WDFY3: variants seen among roughly 807,000 people sequenced by gnomAD.
The protein encoded by WDFY3 is WD repeat and FYVE domain containing 3.
WDFY3 carries 66 observed loss-of-function variants against 409.6 expected under a neutral mutation model. The ratio of observed to expected loss-of-function variants is 0.16; its 90% CI spans 0.13 to 0.20. The LOEUF (loss-of-function observed/expected upper bound fraction) is 0.20. Ranked by LOEUF, WDFY3 falls within the 10% of genes least tolerant of loss-of-function variation. WDFY3 has a pLI of 1.00. For synonymous variants in WDFY3, 1,521 were observed against 1,537.1 expected (o/e 0.99, Z 0.25); for missense variants, 3,031 against 4,298.1 (o/e 0.71, Z 8.24).
At chr4:84,762,529 G>T (rs1173051770) in intron 32 of WDFY3, among the ~76,000 whole-genome samples, 1 of 151,022 alleles carries the variant, frequency 6.6e-6, no homozygotes, top group Non-Finnish European at 1.5e-5. Context: ...CGAATTAGTG[G>T]GTGCAGCACA....
chr4:84,955,564 T>C (rs1012447733), intron 1 of WDFY3, among the ~76,000 whole-genome samples: 1 of 152,194 alleles, frequency 6.6e-6, no homozygotes, highest in Non-Finnish European at 1.5e-5. Context: ...CTTTTAGTAA[T>C]AAAATATAAA....
intron 13 of WDFY3, among the ~76,000 whole-genome samples, chr4:84,815,869 C>T (rs926558933): frequency 6.6e-6 from 1 of 151,990 alleles, no homozygotes; most frequent in Non-Finnish European, 1.5e-5. Context: ...TTTAAGAGTA[C>T]GCAAAAATCC....
At chr4:84,809,566 T>C in intron 14 of WDFY3, 1 of 226,024 alleles carries the variant, frequency 4.4e-6, no homozygotes, top group South Asian at 8.5e-5. Context: ...TAAGTCCAGA[T>C]GCACCTTTTG....
chr4:84,749,570 A>T (rs1740130857), intron 36 of WDFY3, among the ~76,000 whole-genome samples: 1 of 152,144 alleles, frequency 6.6e-6, no homozygotes, highest in African/African-American at 2.4e-5. Flanking sequence ...ACCTAGTTTT[A>T]TTATAAGGTT....
chr4:84,713,640 C>G (rs1733319622), intron 50 of WDFY3, among the ~76,000 whole-genome samples: 1 of 152,040 alleles, frequency 6.6e-6, no homozygotes, highest in Admixed American at 6.6e-5. Context: ...TTTAGTTATT[C>G]CTCATGGAAA....
intron 2 of WDFY3, among the ~76,000 whole-genome samples, chr4:84,926,606 G>A (rs1015702689): frequency 5.3e-5 from 8 of 151,986 alleles, no homozygotes; most frequent in Non-Finnish European, 8.8e-5. Flanking sequence ...TCATTTCTGG[G>A]TGATGTTTTT....
chr4:84,752,452 G>A (rs1298646656), intron 35 of WDFY3, among the ~76,000 whole-genome samples: 1 of 151,808 alleles, frequency 6.6e-6, no homozygotes, highest in Non-Finnish European at 1.5e-5. Flanking sequence ...GCTTGAACTT[G>A]GGACGTGGAG....
At position 84,801,814 on chromosome 4, in the gene WDFY3, C is replaced by G. The variant is rs1474375461; in HGVS notation, c.2658G>C (p.Val886=). The change falls in exon 17 of 68, where the codon GTG becomes GTC. Residue 886 remains valine (V), a synonymous_variant. Transcript: ENST00000295888. ...TGACTTGCTGGTTCCTTTCTGTGTG[C>G]ACCAGGGATTGTAAAATATTTGCCA... The part of the protein sequence containing the change: ...LAVANILQSL[V]HTERNQQVMC... The G allele has an allele frequency of 6.2e-7, 1 of 1,614,154 alleles. No homozygotes were observed.
chr4:84,689,612 C>T (rs1394290847), intron 61 of WDFY3, among the ~76,000 whole-genome samples: 4 of 152,134 alleles, frequency 2.6e-5, no homozygotes, highest in African/African-American at 7.2e-5. Flanking sequence ...TATGACACCA[C>T]TGTTTGAGTT....
In WDFY3 at chr4:84,796,681, G is replaced by A. The variant is rs776261178; in HGVS notation, c.3007C>T (p.Arg1003Trp). Residue 1003 changes from arginine to tryptophan, a missense_variant, in exon 19 of 68, where the codon CGG becomes TGG. Around this residue, in one of 16 missense-constraint regions of WDFY3, gnomAD observed 1,322 missense variants for 1,697.9 expected, o/e 0.78. Coordinates refer to ENST00000295888, the MANE Select transcript of WDFY3 (RefSeq NM_014991.6). ...VFSLHEDNHY[R>W]ISKSLVKSAE... is the part of the protein sequence containing the mutation. ...GATTTTACCAGGCTCTTGCTTATCC[G>A]GTAATGGTTATCTTCATGTAAGCTA... 31 of 1,613,894 alleles carry A rather than the reference G, an allele frequency of 1.9e-5. No homozygotes were observed. The highest frequency in any genetic ancestry group is 1.1e-4 in the East Asian group (5 of 44,876).
intron 44 of WDFY3, among the ~76,000 whole-genome samples, chr4:84,731,675 G>A (rs1312489577): frequency 6.6e-6 from 1 of 152,164 alleles, no homozygotes; most frequent in African/African-American, 2.4e-5. Flanking sequence ...AAATGCTGAT[G>A]ATACTACGGT....
At chr4:84,779,422 CT>C (rs772133851) in intron 26 of WDFY3, among the ~76,000 whole-genome samples, 346 of 140,218 alleles carry the variant, frequency 2.5e-3, no homozygotes, top group Middle Eastern at 3.6e-3. Context: ...ATAAATGCTG[CT>C]TTTTTTTTTT....
chr4:84,813,286 G>C (rs917357442), intron 13 of WDFY3, among the ~76,000 whole-genome samples: 2 of 152,092 alleles, frequency 1.3e-5, no homozygotes, highest in African/African-American at 2.4e-5. Flanking sequence ...CAGAATGCCA[G>C]AGCTAGCTCA....
At chr4:84,841,074 G>A (rs1757281563) in intron 6 of WDFY3, 80 bp downstream of exon 6, 1 of 1,109,300 alleles carries the variant, frequency 9.0e-7, no homozygotes, top group South Asian at 1.5e-5. Context: ...TGGATATAAT[G>A]ATGAATTTAA....
Position 84,803,352 on chromosome 4 carries a change from G to A in WDFY3, c.2545C>T (p.Pro849Ser). 6.2e-7 allele frequency: 1 copy of A among 1,614,066 alleles called. No homozygotes were observed. The highest frequency in any genetic ancestry group is 1.1e-5 in the South Asian group (1 of 91,062). ...LQSSDAVIIHPGAMLAMLDLL... is the reference protein window; with the variant it reads ...LQSSDAVIIHSGAMLAMLDLL... ...TCCAGCATGGCAAGCATGGCTCCAG[G>A]ATGAATGATGACTGCATCAGAACTC... The change falls in exon 16 of 68, where the codon CCT becomes TCT. Residue 849 changes from proline to serine, a missense_variant. Pro to Ser is a moderately conservative substitution (Grantham distance 74). Transcript: ENST00000295888.
intron 2 of WDFY3, among the ~76,000 whole-genome samples, chr4:84,931,290 A>AAAGG (rs1770734726): frequency 6.6e-6 from 1 of 152,232 alleles, no homozygotes; most frequent in Admixed American, 6.5e-5. Flanking sequence ...AAGCCAATGC[A>AAAGG]AAGCTTTTAA....
At chr4:84,891,337 G>A (rs895272699) in intron 3 of WDFY3, among the ~76,000 whole-genome samples, 7 of 151,982 alleles carry the variant, frequency 4.6e-5, no homozygotes, top group Non-Finnish European at 7.4e-5. Flanking sequence ...GATTCATAGT[G>A]CTACATATAT....
At chr4:84,729,488 TTAA>T (rs1394076536) in intron 44 of WDFY3, among the ~76,000 whole-genome samples, 2 of 151,890 alleles carry the variant, frequency 1.3e-5, no homozygotes, top group African/African-American at 4.8e-5. Context: ...TTTCTCGATA[TTAA>T]TAATTATTAC....
intron 56 of WDFY3, among the ~76,000 whole-genome samples, chr4:84,700,452 C>T (rs1730896213): frequency 6.6e-6 from 1 of 152,182 alleles, no homozygotes; most frequent in East Asian, 1.9e-4. Flanking sequence ...GATCCACCTG[C>T]CTTGGCCTCC....
Sources: allele counts gnomAD v4.1 joint callset (sites outside exome capture counted in the v4.1 genomes callset), GRCh38; gene constraint gnomAD v4.1.1; regional missense constraint gnomAD v4.1.1; transcripts MANE v1.5; gene names NCBI Gene and HGNC (gene_info 2026-07-23, HGNC 2026-07-21).